The following WDFY2 variants were observed in gnomAD, a reference collection of about 807,000 sequenced individuals.
The protein encoded by WDFY2 is WD repeat and FYVE domain-containing protein 2.
In WDFY2, 36 loss-of-function variants were observed where a neutral mutation model predicts 56.4. The observed-to-expected ratio is 0.64, with a 90% confidence interval of 0.49 to 0.84. WDFY2 has a LOEUF of 0.84. Ranked by LOEUF, WDFY2 falls within the 40% of genes least tolerant of loss-of-function variation. The pLI is 0.00. For synonymous variants in WDFY2, 176 were observed against 183.7 expected, an observed-to-expected ratio of 0.96 and a Z score of 0.34; for missense variants, 444 against 512.2, an observed-to-expected ratio of 0.87 and a Z score of 1.29.
intron 6 of WDFY2, among the ~76,000 whole-genome samples, chr13:51,730,564 A>G (rs1395470967): frequency 6.6e-6 from 1 of 152,224 alleles, no homozygotes; most frequent in African/African-American, 2.4e-5. Flanking sequence ...TGAGAGAGAC[A>G]AAAGCTAAAG....
intron 5 of WDFY2, among the ~76,000 whole-genome samples, chr13:51,726,248 TA>T (rs67393631): frequency 0.12 from 19,023 of 152,290 alleles, 1,464 homozygotes; most frequent in South Asian, 0.21. Flanking sequence ...ACACACTTGA[TA>T]ATATATCCTG....
chr13:51,710,815 C>T (rs1469684827), intron 4 of WDFY2, among the ~76,000 whole-genome samples: 1 of 152,166 alleles, frequency 6.6e-6, no homozygotes, highest in Non-Finnish European at 1.5e-5. Context: ...AAAAACATTC[C>T]ATGCTCATGG....
intron 1 of WDFY2, among the ~76,000 whole-genome samples, chr13:51,646,234 T>C (rs1467230115): frequency 1.3e-5 from 2 of 152,258 alleles, no homozygotes; most frequent in Non-Finnish European, 2.9e-5. Context: ...CTGCCTGTTC[T>C]TTGTCCAGGC....
In WDFY2 at chr13:51,756,432, A is replaced by G; in HGVS notation, c.1034A>G (p.Asp345Gly). The G allele has an allele frequency of 6.2e-7, 1 of 1,614,070 alleles. No homozygotes were observed. Among genetic ancestry groups the G allele is most frequent in the South Asian group, 1.1e-5 (1 of 91,072 alleles). The change falls in exon 10 of 12, where the codon GAC (aspartate) becomes GGC (glycine). Residue 345 changes from aspartate to glycine, a missense_variant. Asp to Gly is a moderately conservative substitution (Grantham distance 94). Transcript: ENST00000298125. ...MGFEFEVRVC[D>G]SCHEAITDEE... is the part of the protein sequence containing the mutation. Reference sequence around the variant, plus strand: ...TTCGAGTTTGAAGTGAGGGTCTGTGACAGCTGCCACGAGGCCATCACAGAT... The same window carrying G: ...TTCGAGTTTGAAGTGAGGGTCTGTGGCAGCTGCCACGAGGCCATCACAGAT...
chr13:51,627,762 T>C (rs1358001814), intron 1 of WDFY2, among the ~76,000 whole-genome samples: 1 of 152,114 alleles, frequency 6.6e-6, no homozygotes, highest in Non-Finnish European at 1.5e-5. Context: ...AAAGAGGTGC[T>C]TTATGCAACA....
intron 4 of WDFY2, among the ~76,000 whole-genome samples, chr13:51,712,405 C>T (rs1228699707): frequency 6.6e-6 from 1 of 152,006 alleles, no homozygotes; most frequent in Non-Finnish European, 1.5e-5. Context: ...AACAAATCTG[C>T]ACATTGTGCA....
intron 5 of WDFY2, among the ~76,000 whole-genome samples, chr13:51,724,557 T>C (rs1952564665): frequency 6.6e-6 from 1 of 152,182 alleles, no homozygotes; most frequent in Non-Finnish European, 1.5e-5. Context: ...TTTTTAAAGA[T>C]TATTTTTTAG....
intron 1 of WDFY2, chr13:51,586,138 A>G: frequency 2.5e-6 from 1 of 398,512 alleles, no homozygotes; most frequent in Non-Finnish European, 4.4e-6. Flanking sequence ...AAATTCACAG[A>G]GAAGCCTTAT....
intron 5 of WDFY2, among the ~76,000 whole-genome samples, chr13:51,723,272 A>G (rs977847012): frequency 2.0e-5 from 3 of 152,216 alleles, no homozygotes; most frequent in East Asian, 1.9e-4. Flanking sequence ...TCACAATGCT[A>G]TTGTTACATC....
intron 1 of WDFY2, among the ~76,000 whole-genome samples, chr13:51,595,705 G>A (rs529460131): frequency 2.6e-5 from 4 of 152,246 alleles, no homozygotes; most frequent in African/African-American, 9.6e-5. Context: ...AAAGAAAAAA[G>A]AAATCAAAAG....
At chr13:51,732,701 A>G (rs1952750839) in intron 6 of WDFY2, among the ~76,000 whole-genome samples, 1 of 152,246 alleles carries the variant, frequency 6.6e-6, no homozygotes, top group Non-Finnish European at 1.5e-5. Flanking sequence ...TTAGAACTTC[A>G]ATTTTTGTTT....
chr13:51,718,063 G>A (rs1177821919), intron 4 of WDFY2, among the ~76,000 whole-genome samples: 1 of 152,142 alleles, frequency 6.6e-6, no homozygotes, highest in Non-Finnish European at 1.5e-5. Context: ...TCAGAAATTG[G>A]CAGATGGTAT....
chr13:51,765,288 G>A lies in WDFY2; in HGVS notation c.*5519G>A, dbSNP rs1408433801. On this transcript the variant is annotated 3_prime_UTR_variant, in exon 12 of 12. Transcript: ENST00000298125. ...GCTCAGTTTCTTAACCAAGAACCAC[G>A]TCAACCCTCCAGGGTTGTGGTTTGT... The A allele has an allele frequency of 2.0e-5, 3 of 152,192 alleles. No individual in the cohort carries two copies. Among genetic ancestry groups the A allele is most frequent in the African/African-American group, 4.8e-5 (2 of 41,442 alleles). The allele number at this position is 152,192 out of a possible 1,614,324, so 9.4% of individuals were successfully genotyped here.
chr13:51,672,013 A>C (rs1174073990), intron 2 of WDFY2, among the ~76,000 whole-genome samples: 1 of 151,746 alleles, frequency 6.6e-6, no homozygotes, highest in Non-Finnish European at 1.5e-5. Context: ...CAATCTCCTG[A>C]CCTCAAGTGA....
At chr13:51,670,896 A>C (rs1412062105) in intron 2 of WDFY2, among the ~76,000 whole-genome samples, 1 of 152,066 alleles carries the variant, frequency 6.6e-6, no homozygotes, top group East Asian at 1.9e-4. Flanking sequence ...TCGAATCCCC[A>C]AACTCCCTTG....
intron 4 of WDFY2, among the ~76,000 whole-genome samples, chr13:51,718,413 C>T (rs1304304210): frequency 6.6e-6 from 1 of 152,120 alleles, no homozygotes; most frequent in African/African-American, 2.4e-5. Context: ...CTCATTGTGC[C>T]TCACTTTGTC....
intron 3 of WDFY2, among the ~76,000 whole-genome samples, chr13:51,699,984 T>C (rs548806731): frequency 6.6e-6 from 1 of 152,330 alleles, no homozygotes; most frequent in South Asian, 2.1e-4. Flanking sequence ...TATACAGCCA[T>C]CAGAAAGAAT....
At chr13:51,754,715 G>T (rs1232755692) in intron 8 of WDFY2, among the ~76,000 whole-genome samples, 11 of 152,022 alleles carry the variant, frequency 7.2e-5, no homozygotes, top group Admixed American at 6.5e-5. Flanking sequence ...TTTTCCAGGG[G>T]TTCTTTGTAT....
intron 6 of WDFY2, among the ~76,000 whole-genome samples, chr13:51,731,181 C>G (rs1480809966): frequency 6.6e-6 from 1 of 152,172 alleles, no homozygotes; most frequent in Non-Finnish European, 1.5e-5. Context: ...TTGCTTTAGG[C>G]AGAGGTGGCT....
Sources: gnomAD v4.1 joint callset for allele counts (sites outside exome capture counted in the v4.1 genomes callset) on GRCh38, gnomAD v4.1.1 for gene constraint, MANE v1.5 for transcripts, NCBI Gene and HGNC (gene_info 2026-07-23, HGNC 2026-07-21) for gene names.